Variants in CDH18 observed in about 807,000 individuals in gnomAD.
CDH18 encodes the protein cadherin 18, also known as cadherin-18.
CDH18 carries 31 observed loss-of-function variants against 67.9 expected under a neutral mutation model. That is an observed-to-expected ratio of 0.46 (90% confidence interval 0.34 to 0.62). The LOEUF is 0.62. Among genes scored for constraint, CDH18 ranks in the 20% least tolerant of loss-of-function variants. The pLI is 0.01. For missense variants in CDH18, 890 were observed against 975.5 expected, an observed-to-expected ratio of 0.91 and a Z score of 1.17; for synonymous variants, 362 against 347.2, an observed-to-expected ratio of 1.04 and a Z score of -0.48.
chr5:20,020,420 A>C (rs899894381), intron 2 of CDH18, among the ~76,000 whole-genome samples: 1 of 152,040 alleles, frequency 6.6e-6, no homozygotes, highest in Admixed American at 6.5e-5. Context: ...AGAGACCTTC[A>C]TGGCAGCTCC....
intron 2 of CDH18, among the ~76,000 whole-genome samples, chr5:20,008,981 T>A (rs1419787469): frequency 6.6e-6 from 1 of 152,146 alleles, no homozygotes; most frequent in Non-Finnish European, 1.5e-5. Flanking sequence ...TCAGCTTTCC[T>A]GGTGGGCTAT....
At chr5:20,005,351 T>C (rs904059545) in intron 2 of CDH18, among the ~76,000 whole-genome samples, 5 of 151,272 alleles carry the variant, frequency 3.3e-5, no homozygotes, top group African/African-American at 1.2e-4. Context: ...ATAAGTATAT[T>C]TGAACATGAA....
intron 1 of CDH18, among the ~76,000 whole-genome samples, chr5:19,983,640 T>C (rs948033016): frequency 6.6e-6 from 1 of 152,192 alleles, no homozygotes; most frequent in African/African-American, 2.4e-5. Context: ...ATCAGAACTT[T>C]CTAGTATCCA....
rs141298984 is a variant in CDH18, at chr5:19,879,558, C to T, written c.-256-40316G>A. On this transcript the variant is annotated intron_variant, in intron 2 of 12. Transcript: ENST00000382275. ...GTGAATTAAATAGAACTTAAAAACA[C>T]GGATTGGTATAAGTATACCTACAGC... is the stretch of plus-strand genomic sequence containing the variant. 2.2e-3 allele frequency among the ~76,000 whole-genome samples: 328 copies of T among 151,856 alleles called. 4 individuals carry two copies. Among genetic ancestry groups the T allele is most frequent in the African/African-American group, 6.8e-3 (283 of 41,454 alleles).
chr5:19,919,925 T>C (rs944450018), intron 2 of CDH18, among the ~76,000 whole-genome samples: 10 of 152,208 alleles, frequency 6.6e-5, no homozygotes, highest in Admixed American at 1.3e-4. Flanking sequence ...GTGTCATATC[T>C]ATGTTAATTA....
chr5:20,055,641 C>T (rs116538596), intron 2 of CDH18, among the ~76,000 whole-genome samples: 1,752 of 152,288 alleles, frequency 0.012, 40 homozygotes, highest in African/African-American at 0.04. Flanking sequence ...TCAGGAAACT[C>T]TGCTTTATTT....
At chr5:19,810,359 A>G (rs758620005) in intron 3 of CDH18, among the ~76,000 whole-genome samples, 4 of 151,434 alleles carry the variant, frequency 2.6e-5, no homozygotes, top group African/African-American at 9.7e-5. Context: ...ATAAAATAAA[A>G]TAGGAGAAAA....
At chr5:19,909,495 C>T (rs1331223621) in intron 2 of CDH18, among the ~76,000 whole-genome samples, 3 of 151,880 alleles carry the variant, frequency 2.0e-5, no homozygotes, top group African/African-American at 4.8e-5. Context: ...GATGGGGTTT[C>T]ACCATGTTAA....
At chr5:19,916,667 G>C (rs1238516923) in intron 2 of CDH18, among the ~76,000 whole-genome samples, 3 of 152,116 alleles carry the variant, frequency 2.0e-5, no homozygotes, top group African/African-American at 7.2e-5. Context: ...AAATTTAGTA[G>C]ATACACAATA....
intron 9 of CDH18, among the ~76,000 whole-genome samples, chr5:19,530,107 G>T (rs1232079073): frequency 6.6e-6 from 1 of 152,050 alleles, no homozygotes; most frequent in African/African-American, 2.4e-5. Context: ...TGGTACCAAT[G>T]AGAGCCCAGA....
At chr5:20,373,468 T>A (rs2150088064) in intron 1 of CDH18, among the ~76,000 whole-genome samples, 1 of 152,232 alleles carries the variant, frequency 6.6e-6, no homozygotes, top group African/African-American at 2.4e-5. Flanking sequence ...TTTATTCTTA[T>A]CTTCTCATAT....
At chr5:19,783,607 G>C (rs1775374341) in intron 3 of CDH18, among the ~76,000 whole-genome samples, 1 of 152,046 alleles carries the variant, frequency 6.6e-6, no homozygotes, top group Non-Finnish European at 1.5e-5. Context: ...GGAAACCTCT[G>C]TCACCACATG....
At chr5:20,211,364 T>A (rs1029846886) in intron 2 of CDH18, among the ~76,000 whole-genome samples, 1 of 152,068 alleles carries the variant, frequency 6.6e-6, no homozygotes, top group South Asian at 2.1e-4. Flanking sequence ...GACTTAAATG[T>A]CCCTGTCTGA....
chr5:20,138,136 C>A (rs752053377), intron 2 of CDH18, among the ~76,000 whole-genome samples: 5 of 151,920 alleles, frequency 3.3e-5, no homozygotes, highest in Non-Finnish European at 7.4e-5. Flanking sequence ...TGGCTTCATC[C>A]CTGGGATGCA....
At chr5:20,369,666 A>G (rs545767152) in intron 1 of CDH18, among the ~76,000 whole-genome samples, 7 of 152,314 alleles carry the variant, frequency 4.6e-5, no homozygotes, top group African/African-American at 1.2e-4. Context: ...TGAAAATATC[A>G]TGTCCAGTGG....
intron 1 of CDH18, among the ~76,000 whole-genome samples, chr5:19,983,944 C>T (rs1221353622): frequency 1.3e-5 from 2 of 152,046 alleles, no homozygotes; most frequent in East Asian, 3.9e-4. Context: ...GGTAGGGACA[C>T]CCACCAATTC....
chr5:19,714,641 A>G (rs1056848914), intron 5 of CDH18, among the ~76,000 whole-genome samples: 5 of 151,854 alleles, frequency 3.3e-5, no homozygotes, highest in Non-Finnish European at 4.4e-5. Flanking sequence ...TAAAATAATT[A>G]TTTTTAAATG....
chr5:20,463,620 T>A (rs999579150), intron 1 of CDH18, among the ~76,000 whole-genome samples: 16 of 152,040 alleles, frequency 1.1e-4, no homozygotes, highest in African/African-American at 2.7e-4. Flanking sequence ...GGGGAAACCA[T>A]CACCATGATT....
intron 2 of CDH18, among the ~76,000 whole-genome samples, chr5:19,962,378 CAAAAAAAA>C (rs3065078): frequency 1.9e-5 from 1 of 51,594 alleles, no homozygotes; most frequent in Non-Finnish European, 3.3e-5. Flanking sequence ...CGTCAAAAAG[CAAAAAAAA>C]AAAAAAAAAA....
Sources: gnomAD v4.1 joint callset for allele counts (sites outside exome capture counted in the v4.1 genomes callset) on GRCh38, gnomAD v4.1.1 for gene constraint, MANE v1.5 for transcripts, NCBI Gene and HGNC (gene_info 2026-07-23, HGNC 2026-07-21) for gene names.